The following KLF8 variants were observed in gnomAD, a reference collection of about 807,000 sequenced individuals.
KLF8 encodes Krueppel-like factor 8.
A neutral mutation model predicts 18.2 loss-of-function variants in KLF8; 10 were observed. The observed-to-expected ratio is 0.55, with a 90% CI of 0.34 to 0.93. KLF8 has a LOEUF of 0.93. Among genes scored for constraint, KLF8 ranks in the 40% least tolerant of loss-of-function variants. The pLI is 0.02. For synonymous variants in KLF8, 109 were observed against 97.3 expected (o/e 1.12, Z -0.71); for missense variants, 264 against 277.9 (o/e 0.95, Z 0.36).
intron 5 of KLF8, among the ~76,000 whole-genome samples, chrX:56,271,011 A>ATCTAGC: frequency 8.9e-6 from 1 of 112,395 alleles, no homozygotes; most frequent in Non-Finnish European, 1.9e-5. Context: ...ACAATACAAC[A>ATCTAGC]ATAAAAAAAT....
At chrX:56,095,119 TA>T in the KLF8 span, among the ~76,000 whole-genome samples, 1 of 111,366 alleles carries the variant, frequency 9.0e-6, no homozygotes, top group Non-Finnish European at 1.9e-5. Flanking sequence ...GGTATAAAAA[TA>T]GACATGTAAA....
the KLF8 span, among the ~76,000 whole-genome samples, chrX:56,166,514 A>G: frequency 5.4e-5 from 6 of 112,120 alleles, no homozygotes; most frequent in African/African-American, 1.6e-4. Flanking sequence ...GGATCCTGGG[A>G]TATTTGTAGA....
chrX:56,050,988 G>C, the KLF8 span, among the ~76,000 whole-genome samples: 11 of 109,470 alleles, frequency 1.0e-4, no homozygotes, highest in East Asian at 2.9e-4. Context: ...ATAGTTAGCT[G>C]TTCTTGTTGA....
chrX:55,937,203 A>G, the KLF8 span, among the ~76,000 whole-genome samples: 4 of 111,077 alleles, frequency 3.6e-5, no homozygotes, highest in Admixed American at 1.9e-4. Flanking sequence ...AGGCAGCAAC[A>G]TTTGTAGTTC....
chrX:55,956,198 A>G, the KLF8 span, among the ~76,000 whole-genome samples: 1 of 108,955 alleles, frequency 9.2e-6, no homozygotes, highest in Admixed American at 9.9e-5. Context: ...CTATGTATCT[A>G]TCTATCTATC....
At chrX:55,994,261 A>G in the KLF8 span, among the ~76,000 whole-genome samples, 1 of 107,454 alleles carries the variant, frequency 9.3e-6, no homozygotes, top group Non-Finnish European at 1.9e-5. Flanking sequence ...TTTCTGTAGC[A>G]TTGGTGGTAA....
the KLF8 span, among the ~76,000 whole-genome samples, chrX:56,100,279 G>A: frequency 0.077 from 8,564 of 110,876 alleles, 809 homozygotes; most frequent in African/African-American, 0.27. Flanking sequence ...GCCCACAATT[G>A]AGACACTGCT....
the KLF8 span, among the ~76,000 whole-genome samples, chrX:56,161,878 G>T: frequency 9.0e-6 from 1 of 111,517 alleles, no homozygotes; most frequent in Non-Finnish European, 1.9e-5. Context: ...TTTCTGCTCT[G>T]TTTTTTCCCC....
In KLF8 at chrX:56,285,806, C is replaced by T. The variant is rs1233327488; in HGVS notation, c.*1312C>T. On this transcript the variant is annotated 3_prime_UTR_variant, in exon 6 of 6. Coordinates refer to ENST00000468660, the MANE Select transcript of KLF8 (RefSeq NM_007250.5). ...AAATCCTCTGTTCCTGGCCCTGGAC[C>T]ACAGATCTACCTCCACATGGCATAT... 4 of 111,480 alleles carry T rather than the reference C, an allele frequency of 3.6e-5. No individual in the cohort carries two copies. The highest frequency in any genetic ancestry group is 7.5e-5 in the Non-Finnish European group (4 of 53,082). 9.2% of individuals were successfully genotyped at this position (111,480 alleles called of 1,213,427 possible). A position where few individuals can be genotyped will look rare whatever the true frequency, so the allele number is the denominator to read the frequency against.
At chrX:56,120,968 C>T in the KLF8 span, among the ~76,000 whole-genome samples, 10 of 110,729 alleles carry the variant, frequency 9.0e-5, no homozygotes, top group African/African-American at 2.3e-4. Flanking sequence ...GGGCAGATCA[C>T]GAGGTCAGGA....
chrX:56,088,446 C>T, the KLF8 span, among the ~76,000 whole-genome samples: 3 of 111,478 alleles, frequency 2.7e-5, no homozygotes, highest in African/African-American at 9.8e-5. Context: ...TAATGAGTCA[C>T]TCAAACAAAC....
chrX:56,080,547 G>A, the KLF8 span, among the ~76,000 whole-genome samples: 73 of 111,064 alleles, frequency 6.6e-4, no homozygotes, highest in African/African-American at 2.4e-3. Context: ...TCCCTTTGAG[G>A]GTAACCCGAC....
upstream of KLF8, among the ~76,000 whole-genome samples, chrX:56,228,599 C>T (rs949489602): frequency 8.9e-6 from 1 of 112,094 alleles, no homozygotes; most frequent in African/African-American, 3.2e-5. Context: ...GTTTTATCCC[C>T]GCAATCTCCT....
rs1252456017 is a variant in KLF8, at chrX:56,270,377, C to CG, written c.898+56_898+57insG. 3.9e-4 allele frequency: 384 copies of CG among 973,921 alleles called. No homozygotes were observed. The African/African-American group carries it at 0.017, about 44-fold the overall frequency. The allele number at this position is 973,921 out of a possible 1,213,427, so 80.3% of individuals were successfully genotyped here. A position where few individuals can be genotyped will look rare whatever the true frequency, so the allele number is the denominator to read the frequency against. Reference sequence around the variant, plus strand: ...ACACACACACACACACACACACACACACACGAGAGAGAGAGAGAGAGAGGG... The same window carrying CG: ...ACACACACACACACACACACACACACGACACGAGAGAGAGAGAGAGAGAGGG... On this transcript the variant is annotated intron_variant, in intron 5 of 5. Transcript: ENST00000468660.
At chrX:56,042,641 C>G in the KLF8 span, among the ~76,000 whole-genome samples, 2 of 111,917 alleles carry the variant, frequency 1.8e-5, no homozygotes, top group Non-Finnish European at 3.8e-5. Context: ...TTTCTTTGGT[C>G]AGAAACTAGA....
At chrX:56,138,166 G>T in the KLF8 span, among the ~76,000 whole-genome samples, 2 of 107,996 alleles carry the variant, frequency 1.9e-5, no homozygotes, top group South Asian at 4.0e-4. Context: ...CCAATAAAAA[G>T]CTTTGAAATT....
chrX:55,935,956 TA>T, the KLF8 span, among the ~76,000 whole-genome samples: 4 of 112,410 alleles, frequency 3.6e-5, no homozygotes, highest in African/African-American at 1.3e-4. Flanking sequence ...AGCATATTTA[TA>T]ATATTTCATT....
At chrX:55,974,364 G>T in the KLF8 span, among the ~76,000 whole-genome samples, 1 of 110,184 alleles carries the variant, frequency 9.1e-6, no homozygotes, top group South Asian at 3.8e-4. Context: ...GTAGAATTTT[G>T]AAAAAAAATA....
the KLF8 span, among the ~76,000 whole-genome samples, chrX:56,069,963 G>T: frequency 2.7e-5 from 3 of 112,696 alleles, no homozygotes; most frequent in Non-Finnish European, 5.6e-5. Flanking sequence ...TATGTTTATT[G>T]CAGCACTATT....
Sources: allele counts gnomAD v4.1 joint callset (sites outside exome capture counted in the v4.1 genomes callset), GRCh38; gene constraint gnomAD v4.1.1; transcripts MANE v1.5; gene names NCBI Gene and HGNC (gene_info 2026-07-23, HGNC 2026-07-21).